Variants in CADM2 observed in about 807,000 individuals in gnomAD.
CADM2 encodes immunoglobulin superfamily member 4D.
In CADM2, 12 loss-of-function variants were observed where a neutral mutation model predicts 49.8. The ratio of observed to expected loss-of-function variants is 0.24; its 90% CI spans 0.15 to 0.39. The LOEUF (loss-of-function observed/expected upper bound fraction) is 0.39, where lower values mean the gene tolerates loss of function less well. Ranked by LOEUF, CADM2 falls within the 10% of genes least tolerant of loss-of-function variation. The probability of loss-of-function intolerance (pLI) is 1.00; values close to 1 mark genes in which losing one functional copy is unlikely to be tolerated. For synonymous variants in CADM2, 214 were observed against 175.4 expected (o/e 1.22, Z -1.74); for missense variants, 378 against 492.3 (o/e 0.77, Z 2.20).
At chr3:85,251,921 A>G (rs987746266) in intron 1 of CADM2, among the ~76,000 whole-genome samples, 1 of 151,992 alleles carries the variant, frequency 6.6e-6, no homozygotes, top group Non-Finnish European at 1.5e-5. Context: ...TCTGGTCAAC[A>G]TGAATGGCAT....
chr3:85,482,085 TG>T (rs1236097854), intron 1 of CADM2, among the ~76,000 whole-genome samples: 1 of 151,704 alleles, frequency 6.6e-6, no homozygotes, highest in East Asian at 1.9e-4. Context: ...AAAAAATACT[TG>T]GTTATTGAAA....
chr3:86,025,439 T>A (rs1376867202), intron 8 of CADM2, among the ~76,000 whole-genome samples: 2 of 152,190 alleles, frequency 1.3e-5, no homozygotes, highest in Non-Finnish European at 1.5e-5. Context: ...AGGACTTTTT[T>A]TTTTGTTAAT....
intron 2 of CADM2, among the ~76,000 whole-genome samples, chr3:85,737,636 C>G (rs1431677979): frequency 6.6e-6 from 1 of 150,876 alleles, no homozygotes; most frequent in African/African-American, 2.4e-5. Context: ...CGGCTCACTG[C>G]AACCTCCCTC....
chr3:85,419,324 G>A (rs1471118316), intron 1 of CADM2, among the ~76,000 whole-genome samples: 1 of 152,116 alleles, frequency 6.6e-6, no homozygotes, highest in African/African-American at 2.4e-5. Flanking sequence ...TGGGCGTGGT[G>A]GCGGGCGCCT....
chr3:85,164,553 T>G (rs552155333), intron 1 of CADM2, among the ~76,000 whole-genome samples: 9 of 152,158 alleles, frequency 5.9e-5, no homozygotes, highest in African/African-American at 1.9e-4. Context: ...ATTTCAGTAT[T>G]TAAAGGCAAT....
chr3:85,901,196 A>G (rs957051029), intron 5 of CADM2, among the ~76,000 whole-genome samples: 6 of 152,202 alleles, frequency 3.9e-5, no homozygotes, highest in African/African-American at 7.2e-5. Context: ...CTCCATCTCA[A>G]AAAAAGAAAA....
chr3:85,868,681 T>C (rs912892050), intron 3 of CADM2, among the ~76,000 whole-genome samples: 1 of 152,192 alleles, frequency 6.6e-6, no homozygotes, highest in Non-Finnish European at 1.5e-5. Flanking sequence ...ACAGAAATTA[T>C]GCTACTAATA....
chr3:85,430,141 A>G (rs2036594535), intron 1 of CADM2, among the ~76,000 whole-genome samples: 1 of 152,178 alleles, frequency 6.6e-6, no homozygotes, highest in Non-Finnish European at 1.5e-5. Context: ...CATTATGAAA[A>G]TAAGCATGTG....
chr3:85,277,020 C>T (rs1242859830), intron 1 of CADM2, among the ~76,000 whole-genome samples: 1 of 151,062 alleles, frequency 6.6e-6, no homozygotes, highest in African/African-American at 2.4e-5. Flanking sequence ...GATTGTTAAT[C>T]TTAAGCTAAT....
chr3:85,475,303 G>C (rs2038933128), intron 1 of CADM2, among the ~76,000 whole-genome samples: 1 of 151,918 alleles, frequency 6.6e-6, no homozygotes, highest in South Asian at 2.1e-4. Context: ...TGTGCATCTG[G>C]CTAGTGTGGG....
chr3:85,905,513 C>G (rs916474513), intron 5 of CADM2, among the ~76,000 whole-genome samples: 2 of 152,094 alleles, frequency 1.3e-5, no homozygotes, highest in Non-Finnish European at 2.9e-5. Context: ...TAAAAACATA[C>G]TTGTTAAGCA....
At position 84,984,356 on chromosome 3, in the gene CADM2, T is replaced by TAAAAAAAAAAAAAAAAAAAA. The variant is rs375702349; in HGVS notation, c.61+24698_61+24717dup. Among the ~76,000 whole-genome samples, 3 of 67,064 alleles carry TAAAAAAAAAAAAAAAAAAAA rather than the reference T, an allele frequency of 4.5e-5. 1 individual carries two copies. Among genetic ancestry groups the TAAAAAAAAAAAAAAAAAAAA allele is most frequent in the African/African-American group, 2.3e-4 (3 of 13,332 alleles). 44.0% of individuals were successfully genotyped at this position (67,064 alleles called of 152,430 possible). A position where few individuals can be genotyped will look rare whatever the true frequency, so the allele number is the denominator to read the frequency against. On this transcript the variant is annotated intron_variant, in intron 1 of 9. Coordinates refer to ENST00000383699, the MANE Select transcript of CADM2 (RefSeq NM_001167675.2). Reference sequence around the variant, plus strand: ...CCTCATAGCCACCTCAAGATTAAGCTAAAAAAAAAAAAAAAAAAAAAAAAA... The same window carrying TAAAAAAAAAAAAAAAAAAAA: ...CCTCATAGCCACCTCAAGATTAAGCTAAAAAAAAAAAAAAAAAAAAAAAAAAAAAAAAAAAAAAAAAAAAA...
At chr3:85,768,395 C>A (rs1258306064) in intron 2 of CADM2, among the ~76,000 whole-genome samples, 2 of 151,416 alleles carry the variant, frequency 1.3e-5, no homozygotes, top group East Asian at 3.9e-4. Context: ...GCAGTGATCC[C>A]AGATCGCACC....
chr3:85,577,643 T>G (rs954999718), intron 1 of CADM2, among the ~76,000 whole-genome samples: 1 of 152,198 alleles, frequency 6.6e-6, no homozygotes, highest in African/African-American at 2.4e-5. Context: ...ACATGTATTT[T>G]AATATTTTGT....
intron 1 of CADM2, among the ~76,000 whole-genome samples, chr3:85,635,421 A>G (rs1310951740): frequency 1.3e-5 from 2 of 152,170 alleles, no homozygotes; most frequent in Non-Finnish European, 2.9e-5. Context: ...AGTCACAGTA[A>G]TCTCGAAGAA....
intron 1 of CADM2, among the ~76,000 whole-genome samples, chr3:85,215,648 A>C (rs764211039): frequency 8.5e-5 from 13 of 152,116 alleles, no homozygotes; most frequent in Non-Finnish European, 1.5e-4. Flanking sequence ...AGCACCAGGA[A>C]TTGCATTTCT....
In CADM2 at chr3:85,950,464, G is replaced by GT. The variant is rs148194081; in HGVS notation, c.792-11002dup. 8.3e-3 allele frequency among the ~76,000 whole-genome samples: 1,259 copies of GT among 151,210 alleles called. 43 individuals are homozygous for GT. In the South Asian group the frequency reaches 0.091, roughly 11 times the overall value. On this transcript the variant is annotated intron_variant, in intron 7 of 9. Coordinates refer to ENST00000383699, the MANE Select transcript of CADM2 (RefSeq NM_001167675.2). ...GCCATAAATTGGCTGGAATTATACA[G>GT]TTTCTAGTGCAATGTGACTGCTTTG... is the stretch of plus-strand genomic sequence containing the variant.
intron 3 of CADM2, among the ~76,000 whole-genome samples, chr3:85,856,249 A>G (rs2075313367): frequency 6.6e-6 from 1 of 152,226 alleles, no homozygotes; most frequent in East Asian, 1.9e-4. Flanking sequence ...CTGCATAAAT[A>G]TTTTAGGTTT....
At chr3:85,374,797 A>G (rs2033486826) in intron 1 of CADM2, among the ~76,000 whole-genome samples, 2 of 152,106 alleles carry the variant, frequency 1.3e-5, no homozygotes, top group Non-Finnish European at 2.9e-5. Flanking sequence ...CACTCTCAGC[A>G]GAACAGCAAG....
Sources: gnomAD v4.1 joint callset for allele counts (sites outside exome capture counted in the v4.1 genomes callset) on GRCh38, gnomAD v4.1.1 for gene constraint, MANE v1.5 for transcripts, NCBI Gene and HGNC (gene_info 2026-07-23, HGNC 2026-07-21) for gene names.